The following ATRNL1 variants were observed in gnomAD, a reference collection of about 807,000 sequenced individuals.
ATRNL1 encodes attractin like 1, also known as attractin-like protein 1.
A neutral mutation model predicts 182.7 loss-of-function variants in ATRNL1; 95 were observed. The ratio of observed to expected loss-of-function variants is 0.52; its 90% CI spans 0.44 to 0.62. The LOEUF (loss-of-function observed/expected upper bound fraction) is 0.62. ATRNL1 is among the 20% of genes least tolerant of loss of function. The pLI, the probability that ATRNL1 is intolerant of heterozygous loss-of-function variation, is 0.00. For missense variants in ATRNL1, 1,471 were observed against 1,679.5 expected (o/e 0.88, Z 2.17); for synonymous variants, 576 against 568.3 (o/e 1.01, Z -0.19).
At chr10:115,137,428 T>C (rs1036916095) in intron 5 of ATRNL1, among the ~76,000 whole-genome samples, 1 of 152,228 alleles carries the variant, frequency 6.6e-6, no homozygotes, top group South Asian at 2.1e-4. Flanking sequence ...TGTTACTGTA[T>C]TAGTCTGTTT....
chr10:115,909,748 C>A (rs1952618532), intron 28 of ATRNL1, among the ~76,000 whole-genome samples: 1 of 151,460 alleles, frequency 6.6e-6, no homozygotes, highest in African/African-American at 2.4e-5. Flanking sequence ...AGGACATATA[C>A]TGAATATGTT....
intron 25 of ATRNL1, among the ~76,000 whole-genome samples, chr10:115,526,317 A>T (rs1479905916): frequency 1.3e-5 from 2 of 152,146 alleles, no homozygotes; most frequent in Non-Finnish European, 2.9e-5. Context: ...TTCTGCTATC[A>T]GTCATCAGGG....
intron 19 of ATRNL1, among the ~76,000 whole-genome samples, chr10:115,373,690 C>T (rs1224674232): frequency 3.9e-5 from 6 of 151,928 alleles, no homozygotes; most frequent in Non-Finnish European, 7.4e-5. Context: ...ACCATTCTTG[C>T]ATCCCTAGGA....
intron 25 of ATRNL1, among the ~76,000 whole-genome samples, chr10:115,536,869 A>G (rs1424463968): frequency 6.6e-6 from 1 of 152,246 alleles, no homozygotes; most frequent in African/African-American, 2.4e-5. Context: ...TAGTCACAGG[A>G]TCTCTACATC....
intron 26 of ATRNL1, among the ~76,000 whole-genome samples, chr10:115,724,911 T>C (rs973764179): frequency 3.3e-5 from 5 of 152,160 alleles, no homozygotes; most frequent in African/African-American, 1.2e-4. Context: ...TGATGTTCTC[T>C]TCCTAAATTT....
chr10:115,527,502 A>G (rs1851284247), intron 25 of ATRNL1, among the ~76,000 whole-genome samples: 1 of 152,120 alleles, frequency 6.6e-6, no homozygotes, highest in Non-Finnish European at 1.5e-5. Context: ...AAACCTGTAA[A>G]AAATGATTTT....
rs567060309 is a variant in ATRNL1, at chr10:115,590,791, T to C, written c.3795+41255T>C. 1.0e-3 allele frequency among the ~76,000 whole-genome samples: 156 copies of C among 152,252 alleles called. 2 individuals carry two copies. Among genetic ancestry groups the C allele is most frequent in the Middle Eastern group, 3.4e-3 (1 of 294 alleles). On this transcript the variant is annotated intron_variant, in intron 26 of 28. Coordinates refer to ENST00000355044, the MANE Select transcript of ATRNL1 (RefSeq NM_207303.4). The stretch of plus-strand genomic sequence containing the variant: ...TCATAATAAACACTTCCATTGCAAA[T>C]AGAAAGATGGACACATATAGTAGTC...
At chr10:115,350,344 AAG>A (rs200026104) in intron 19 of ATRNL1, among the ~76,000 whole-genome samples, 21,265 of 70,114 alleles carry the variant, frequency 0.3, 5,033 homozygotes, top group East Asian at 0.66. Flanking sequence ...CAAAAAAAAA[AAG>A]AAAAAAAAAA....
At chr10:115,773,770 A>G (rs1949051918) in intron 27 of ATRNL1, among the ~76,000 whole-genome samples, 1 of 152,172 alleles carries the variant, frequency 6.6e-6, no homozygotes, top group South Asian at 2.1e-4. Flanking sequence ...GTTACAGATT[A>G]CCTAAATATT....
chr10:115,886,330 C>T (rs1951944230), intron 28 of ATRNL1, among the ~76,000 whole-genome samples: 1 of 152,178 alleles, frequency 6.6e-6, no homozygotes, highest in South Asian at 2.1e-4. Context: ...GCCTGACTAA[C>T]ATGGAGAAAC....
At chr10:115,552,316 A>T (rs567182081) in intron 26 of ATRNL1, among the ~76,000 whole-genome samples, 2 of 151,464 alleles carry the variant, frequency 1.3e-5, no homozygotes, top group African/African-American at 4.8e-5. Flanking sequence ...TATTTCCCAA[A>T]GGAAAAGAAC....
rs574216197 is a variant in ATRNL1 at position 115,807,118 on chromosome 10, T to C, written c.3904-40759T>C. On this transcript the variant is annotated intron_variant, in intron 27 of 28. Transcript: ENST00000355044. ...TGTACTCAGGTACTTTTTTTTTTTTTTTTCTTTGAGATGGAGTCTCGCTCT... is the reference window on the plus strand; with the variant it reads ...TGTACTCAGGTACTTTTTTTTTTTTCTTTCTTTGAGATGGAGTCTCGCTCT... Among the ~76,000 whole-genome samples the C allele has an allele frequency of 2.0e-5, 3 of 152,008 alleles. No individual in the cohort carries two copies. The East Asian group carries it at 5.8e-4, about 29-fold the overall frequency.
intron 1 of ATRNL1, among the ~76,000 whole-genome samples, chr10:115,101,195 A>G (rs1219478553): frequency 6.6e-6 from 1 of 152,014 alleles, no homozygotes; most frequent in African/African-American, 2.4e-5. Context: ...TTTACAATCT[A>G]GATGCCTTTT....
intron 26 of ATRNL1, among the ~76,000 whole-genome samples, chr10:115,576,009 C>G (rs1854684544): frequency 6.6e-6 from 1 of 152,040 alleles, no homozygotes; most frequent in Non-Finnish European, 1.5e-5. Flanking sequence ...TTCTTTGTGT[C>G]TGGTTCATTT....
intron 26 of ATRNL1, among the ~76,000 whole-genome samples, chr10:115,608,160 A>G (rs1437343713): frequency 1.3e-5 from 2 of 151,968 alleles, no homozygotes; most frequent in Non-Finnish European, 2.9e-5. Context: ...TTTTAAGGAC[A>G]TGGTAATTTG....
At chr10:115,208,615 T>A (rs1554894331) in intron 8 of ATRNL1, among the ~76,000 whole-genome samples, 1 of 152,082 alleles carries the variant, frequency 6.6e-6, no homozygotes, top group African/African-American at 2.4e-5. Flanking sequence ...TAATGCCTCC[T>A]GTAGTACGAG....
At chr10:115,582,057 C>G (rs1431016062) in intron 26 of ATRNL1, among the ~76,000 whole-genome samples, 2 of 151,808 alleles carry the variant, frequency 1.3e-5, no homozygotes. Context: ...ATCCATATCC[C>G]TACAAAGGAC....
chr10:115,392,663 G>A (rs949867034), intron 19 of ATRNL1, among the ~76,000 whole-genome samples: 2 of 152,162 alleles, frequency 1.3e-5, no homozygotes, highest in African/African-American at 2.4e-5. Flanking sequence ...CTGTGTGAGA[G>A]ATGCACAATG....
At chr10:115,803,597 G>A (rs1451431083) in intron 27 of ATRNL1, among the ~76,000 whole-genome samples, 1 of 139,630 alleles carries the variant, frequency 7.2e-6, no homozygotes, top group Non-Finnish European at 1.6e-5. Context: ...GGGTTTTTTT[G>A]TGTTTTTTTT....
Sources: gnomAD v4.1 joint callset for allele counts (sites outside exome capture counted in the v4.1 genomes callset) on GRCh38, gnomAD v4.1.1 for gene constraint, MANE v1.5 for transcripts, NCBI Gene and HGNC (gene_info 2026-07-23, HGNC 2026-07-21) for gene names.